Variants in DCT observed in about 807,000 individuals in gnomAD.
DCT encodes L-dopachrome tautomerase.
Under a neutral mutation model 53.0 loss-of-function variants are expected in DCT, and 47 were observed. The ratio of observed to expected loss-of-function variants is 0.89; its 90% CI spans 0.70 to 1.13. The LOEUF is 1.13. Ranked by LOEUF, DCT falls within the 50% of genes most tolerant of loss-of-function variation. The pLI, the probability that DCT is intolerant of heterozygous loss-of-function variation, is 0.00. For synonymous variants in DCT, 244 were observed against 237.0 expected (o/e 1.03, Z -0.27); for missense variants, 669 against 637.4 (o/e 1.05, Z -0.53).
the DCT span, among the ~76,000 whole-genome samples, chr13:94,544,636 C>CT: frequency 6.6e-6 from 1 of 152,184 alleles, no homozygotes; most frequent in Non-Finnish European, 1.5e-5. Context: ...ACAAAGTAAT[C>CT]CACTGTGACA....
At chr13:94,547,985 ATATATAT>A in the DCT span, among the ~76,000 whole-genome samples, 2 of 63,510 alleles carry the variant, frequency 3.1e-5, no homozygotes, top group Non-Finnish European at 5.2e-5. Context: ...AAAAAAAAAA[ATATATAT>A]ATATATATAT....
At chr13:94,472,948 T>A (rs1467097249) in intron 1 of DCT, among the ~76,000 whole-genome samples, 3 of 152,148 alleles carry the variant, frequency 2.0e-5, no homozygotes, top group Non-Finnish European at 4.4e-5. Flanking sequence ...GTATAGCAAT[T>A]GTTTGTCTTC....
chr13:94,472,212 G>A (rs1884688707), intron 1 of DCT, among the ~76,000 whole-genome samples: 1 of 151,742 alleles, frequency 6.6e-6, no homozygotes. Flanking sequence ...CAAAATAATT[G>A]GCTCTCTCAT....
chr13:94,479,366 TC>T lies in DCT; in HGVS notation c.-112del. On this transcript the variant is annotated 5_prime_UTR_variant, in exon 1 of 8. Transcript: ENST00000377028. Reference sequence around the variant, plus strand: ...TTTTCTTTTCAGTATTTTTTATTTTTCTTTGCTTTCTATTCCTTTCTTCTTA... The same window carrying T: ...TTTTCTTTTCAGTATTTTTTATTTTTTTTGCTTTCTATTCCTTTCTTCTTA... 9.5e-7 allele frequency: 1 copy of T among 1,049,594 alleles called. No homozygotes were observed. The highest frequency in any genetic ancestry group is 1.8e-5 in the South Asian group (1 of 56,600). 65.0% of individuals were successfully genotyped at this position (1,049,594 alleles called of 1,614,324 possible).
chr13:94,532,330 T>C, the DCT span, among the ~76,000 whole-genome samples: 5 of 152,172 alleles, frequency 3.3e-5, no homozygotes. Flanking sequence ...TAAAGACACA[T>C]GCACACATAT....
At chr13:94,461,901 T>C (rs1883814747) in intron 5 of DCT, 109 bp downstream of exon 5, 2 of 903,940 alleles carry the variant, frequency 2.2e-6, no homozygotes, top group South Asian at 1.8e-5. Context: ...CTCCATCACT[T>C]AGCTTCGTAG....
intron 1 of DCT, among the ~76,000 whole-genome samples, chr13:94,473,232 T>A (rs1884867488): frequency 6.6e-6 from 1 of 152,228 alleles, no homozygotes; most frequent in Non-Finnish European, 1.5e-5. Context: ...CGAATATCCA[T>A]ATGACTATTT....
chr13:94,465,637 CACAG>C lies in DCT; in HGVS notation c.855_858del (p.Cys286IlefsTer21), dbSNP rs1189173175. 6.2e-7 allele frequency: 1 copy of C among 1,613,284 alleles called. No individual in the cohort carries two copies. Among genetic ancestry groups the C allele is most frequent in the South Asian group, 1.1e-5 (1 of 91,022 alleles). On this transcript the variant is annotated frameshift_variant, in exon 4 of 8. Coordinates refer to ENST00000377028, the MANE Select transcript of DCT (RefSeq NM_001922.5). LOFTEE classifies it high-confidence loss of function. Reference sequence around the variant, plus strand: ...TGCAGGTACAGGAGCCATTACCTATCACAGACAGTTTCCCAGCTGGAGAATCTTG... The same window carrying C: ...TGCAGGTACAGGAGCCATTACCTATCACAGTTTCCCAGCTGGAGAATCTTG...
chr13:94,499,258 C>G, the DCT span, among the ~76,000 whole-genome samples: 5 of 152,288 alleles, frequency 3.3e-5, no homozygotes, highest in Admixed American at 2.6e-4. Flanking sequence ...TCTTTAAGAG[C>G]TGTAACACTC....
intron 1 of DCT, among the ~76,000 whole-genome samples, chr13:94,474,643 C>G (rs1373828890): frequency 6.6e-6 from 1 of 152,164 alleles, no homozygotes; most frequent in Admixed American, 6.5e-5. Context: ...TCTCATAAAG[C>G]CAACTGGCAG....
intron 1 of DCT, among the ~76,000 whole-genome samples, chr13:94,472,222 T>C (rs1370217327): frequency 6.6e-6 from 1 of 152,022 alleles, no homozygotes; most frequent in Non-Finnish European, 1.5e-5. Flanking sequence ...GGCTCTCTCA[T>C]GTATTTATTT....
At chr13:94,506,581 T>A in the DCT span, among the ~76,000 whole-genome samples, 2 of 152,188 alleles carry the variant, frequency 1.3e-5, no homozygotes, top group African/African-American at 4.8e-5. Flanking sequence ...CAGCAGAATT[T>A]AATTAGTAAA....
rs151296766 is a variant in DCT, at chr13:94,469,741, G to C, written c.296-696C>G. Among the ~76,000 whole-genome samples the C allele has an allele frequency of 1.1e-3, 174 of 152,306 alleles. 3 individuals are homozygous for C. Among genetic ancestry groups the C allele is most frequent in the African/African-American group, 4.0e-3 (167 of 41,558 alleles). ...TGACACAGAACAGTTCATTGATTTA[G>C]AGAAGGAAGAAAATACACAGCAAGC... is the stretch of plus-strand genomic sequence containing the variant. On this transcript the variant is annotated intron_variant, in intron 1 of 7. Coordinates refer to ENST00000377028, the MANE Select transcript of DCT (RefSeq NM_001922.5).
the DCT span, among the ~76,000 whole-genome samples, chr13:94,492,521 A>G: frequency 6.6e-6 from 1 of 152,180 alleles, no homozygotes; most frequent in Non-Finnish European, 1.5e-5. Flanking sequence ...TTTATACCTA[A>G]TATCTAACAC....
At chr13:94,504,665 G>A in the DCT span, among the ~76,000 whole-genome samples, 6 of 152,142 alleles carry the variant, frequency 3.9e-5, no homozygotes, top group African/African-American at 7.2e-5. Flanking sequence ...CACTGCACCT[G>A]GCCAGCATTT....
the DCT span, among the ~76,000 whole-genome samples, chr13:94,496,998 G>A: frequency 4.6e-5 from 7 of 152,230 alleles, no homozygotes; most frequent in Non-Finnish European, 1.0e-4. Context: ...ATGTTCTTCA[G>A]TCGAGCCTCT....
At chr13:94,532,509 C>T in the DCT span, among the ~76,000 whole-genome samples, 2 of 152,150 alleles carry the variant, frequency 1.3e-5, no homozygotes, top group Non-Finnish European at 2.9e-5. Flanking sequence ...AGCTGGAAGC[C>T]ATCATTCTCA....
At chr13:94,544,340 G>T in the DCT span, among the ~76,000 whole-genome samples, 3 of 152,084 alleles carry the variant, frequency 2.0e-5, no homozygotes, top group Admixed American at 2.0e-4. Context: ...TTGATACTTT[G>T]GACTAGGGAG....
chr13:94,515,039 G>C, the DCT span, among the ~76,000 whole-genome samples: 1 of 152,182 alleles, frequency 6.6e-6, no homozygotes, highest in Non-Finnish European at 1.5e-5. Flanking sequence ...CCTTAGAAAA[G>C]AGACTGCAGA....
Sources: gnomAD v4.1 joint callset for allele counts (sites outside exome capture counted in the v4.1 genomes callset) on GRCh38, gnomAD v4.1.1 for gene constraint, MANE v1.5 for transcripts, NCBI Gene and HGNC (gene_info 2026-07-23, HGNC 2026-07-21) for gene names.